Variants in EHBP1 observed in about 807,000 individuals in gnomAD.
EHBP1 encodes EH domain binding protein 1.
Under a neutral mutation model 144.0 loss-of-function variants are expected in EHBP1, and 55 were observed. The observed-to-expected ratio is 0.38, with a 90% CI of 0.31 to 0.48. EHBP1 has a LOEUF of 0.48. EHBP1 is among the 20% of genes least tolerant of loss of function. The pLI is 0.98. For missense variants in EHBP1, 1,200 were observed against 1,364.2 expected, an observed-to-expected ratio of 0.88 and a Z score of 1.90; for synonymous variants, 469 against 472.7, an observed-to-expected ratio of 0.99 and a Z score of 0.10.
rs527641032 is a variant in EHBP1 at position 62,882,038 on chromosome 2, G to A, written c.1185+7506G>A. 3.7e-4 allele frequency among the ~76,000 whole-genome samples: 57 copies of A among 152,126 alleles called. 1 individual carries two copies. The highest frequency in any genetic ancestry group is 3.4e-3 in the Middle Eastern group (1 of 294). On this transcript the variant is annotated intron_variant, in intron 10 of 22. Coordinates refer to ENST00000431489, the MANE Select transcript of EHBP1 (RefSeq NM_001142616.3). ...GAACCATACTCTACTCGGGTACCTG[G>A]GCTTCTATTTTTCTCAAGGACATTG...
chr2:62,874,297 A>G (rs2050709223), intron 9 of EHBP1, 49 bp from the exon 10 acceptor site: 7 of 1,376,890 alleles, frequency 5.1e-6, no homozygotes, highest in Non-Finnish European at 6.8e-6. Flanking sequence ...TTACTTGTAA[A>G]TGAACTATTT....
chr2:62,817,625 A>G (rs1378861824), intron 5 of EHBP1, among the ~76,000 whole-genome samples: 1 of 152,170 alleles, frequency 6.6e-6, no homozygotes, highest in Non-Finnish European at 1.5e-5. Context: ...CAGGATCATC[A>G]TAGTTTCTGT....
At chr2:62,876,816 T>C (rs938541745) in intron 10 of EHBP1, among the ~76,000 whole-genome samples, 2 of 152,200 alleles carry the variant, frequency 1.3e-5, no homozygotes, top group African/African-American at 2.4e-5. Context: ...ACCTGCCCCA[T>C]GATCCAGTCA....
At chr2:62,892,096 C>T (rs1237425301) in intron 10 of EHBP1, among the ~76,000 whole-genome samples, 1 of 152,084 alleles carries the variant, frequency 6.6e-6, no homozygotes, top group African/African-American at 2.4e-5. Flanking sequence ...ATTTTTTATG[C>T]GCATTTACAT....
At chr2:62,750,922 A>C (rs549522740) in intron 3 of EHBP1, among the ~76,000 whole-genome samples, 1 of 152,308 alleles carries the variant, frequency 6.6e-6, no homozygotes, top group African/African-American at 2.4e-5. Flanking sequence ...CAATCATGTC[A>C]TCTGCAAACA....
intron 2 of EHBP1, among the ~76,000 whole-genome samples, chr2:62,743,047 CAGAT>C: frequency 6.6e-6 from 1 of 152,044 alleles, no homozygotes; most frequent in Admixed American, 6.6e-5. Flanking sequence ...GTAATAAACA[CAGAT>C]AGCATTTTGA....
intron 2 of EHBP1, among the ~76,000 whole-genome samples, chr2:62,741,241 A>G (rs1005636007): frequency 6.6e-6 from 1 of 152,124 alleles, no homozygotes; most frequent in African/African-American, 2.4e-5. Context: ...GAGAAGTATG[A>G]TGTGACCCCA....
At chr2:62,939,255 A>G (rs1313054398) in intron 10 of EHBP1, among the ~76,000 whole-genome samples, 2 of 152,050 alleles carry the variant, frequency 1.3e-5, no homozygotes, top group East Asian at 1.9e-4. Context: ...GGGTTGGATG[A>G]TGGAAATGGA....
intron 5 of EHBP1, among the ~76,000 whole-genome samples, chr2:62,791,903 T>A (rs1477491361): frequency 6.6e-6 from 1 of 152,012 alleles, no homozygotes; most frequent in African/African-American, 2.4e-5. Flanking sequence ...TTTTTAATGT[T>A]AATGTATAAA....
At chr2:62,719,408 C>T (rs1440302177) in intron 2 of EHBP1, among the ~76,000 whole-genome samples, 1 of 151,772 alleles carries the variant, frequency 6.6e-6, no homozygotes, top group East Asian at 1.9e-4. Context: ...TTTTCTATTC[C>T]ATTGCCTTGT....
chr2:62,697,465 G>C (rs1434652195), intron 1 of EHBP1, among the ~76,000 whole-genome samples: 1 of 152,136 alleles, frequency 6.6e-6, no homozygotes, highest in Non-Finnish European at 1.5e-5. Flanking sequence ...TTTTATGTTA[G>C]TCCCCAGCAC....
At chr2:62,715,452 T>G (rs576944473) in intron 2 of EHBP1, among the ~76,000 whole-genome samples, 10 of 151,886 alleles carry the variant, frequency 6.6e-5, no homozygotes, top group African/African-American at 2.2e-4. Context: ...GTATTTCTTT[T>G]CTTTTTTTTT....
In EHBP1 at chr2:62,777,158, G is replaced by A. The variant is rs779895432; in HGVS notation, c.312+5766G>A. Among the ~76,000 whole-genome samples the A allele has an allele frequency of 5.3e-5, 8 of 152,220 alleles. 1 individual carries two copies. The highest frequency in any genetic ancestry group is 4.1e-4 in the South Asian group (2 of 4,822). ...CCTTGCTAATTTTCTATTTTGTAGA[G>A]ACGGAGTCTCCCTTTGTTGACTAGG... On this transcript the variant is annotated intron_variant, in intron 5 of 22. Transcript: ENST00000431489.
In EHBP1 at chr2:62,851,046, G is replaced by C. The variant is rs373976380; in HGVS notation, c.635-8123G>C. 5.6e-4 allele frequency among the ~76,000 whole-genome samples: 85 copies of C among 152,232 alleles called. 1 individual carries two copies. Among genetic ancestry groups the C allele is most frequent in the South Asian group, 2.3e-3 (11 of 4,820 alleles). On this transcript the variant is annotated intron_variant, in intron 7 of 22. Transcript: ENST00000431489. ...TTATCTTAGATTTCTTGCCTATCCTGCATGCCAAATTAATCATCAAATCTT... is the reference window on the plus strand; with the variant it reads ...TTATCTTAGATTTCTTGCCTATCCTCCATGCCAAATTAATCATCAAATCTT...
chr2:62,806,152 T>G (rs912501077), intron 5 of EHBP1, among the ~76,000 whole-genome samples: 3 of 151,974 alleles, frequency 2.0e-5, no homozygotes, highest in South Asian at 4.2e-4. Context: ...GCTAATTTTT[T>G]AATATTTTTT....
At chr2:62,923,611 C>T (rs1165464449) in intron 10 of EHBP1, among the ~76,000 whole-genome samples, 1 of 152,168 alleles carries the variant, frequency 6.6e-6, no homozygotes, top group Non-Finnish European at 1.5e-5. Context: ...TACATGCTGC[C>T]TCTGGCAAGG....
At chr2:63,040,183 GTATA>G (rs1436443002) in intron 21 of EHBP1, among the ~76,000 whole-genome samples, 6 of 149,894 alleles carry the variant, frequency 4.0e-5, no homozygotes, top group Admixed American at 1.3e-4. Flanking sequence ...TTTATATATA[GTATA>G]TATAATACAT....
chr2:62,835,828 C>T (rs1317805170), intron 7 of EHBP1, among the ~76,000 whole-genome samples: 1 of 152,194 alleles, frequency 6.6e-6, no homozygotes, highest in African/African-American at 2.4e-5. Context: ...CCACACCTGG[C>T]TCGGAGGGTC....
intron 19 of EHBP1, among the ~76,000 whole-genome samples, chr2:63,023,117 G>C (rs2060827627): frequency 6.6e-6 from 1 of 152,196 alleles, no homozygotes; most frequent in Non-Finnish European, 1.5e-5. Context: ...GAAGGTTGCA[G>C]TGAGCCGAGA....
Sources: gnomAD v4.1 joint callset for allele counts (sites outside exome capture counted in the v4.1 genomes callset) on GRCh38, gnomAD v4.1.1 for gene constraint, MANE v1.5 for transcripts, NCBI Gene and HGNC (gene_info 2026-07-23, HGNC 2026-07-21) for gene names.